Variants in ANGPTL3 observed in about 807,000 individuals in gnomAD.
The protein encoded by ANGPTL3 is angiopoietin like 3, also known as angiopoietin-related protein 3.
Under a neutral mutation model 52.7 loss-of-function variants are expected in ANGPTL3, and 51 were observed. That is an observed-to-expected ratio of 0.97 (90% CI 0.77 to 1.22). The LOEUF is 1.22. ANGPTL3 is among the 50% of genes most tolerant of loss of function. The pLI is 0.00. For missense variants in ANGPTL3, 506 were observed against 520.7 expected, an observed-to-expected ratio of 0.97 and a Z score of 0.27; for synonymous variants, 185 against 179.8, an observed-to-expected ratio of 1.03 and a Z score of -0.23.
chr1:62,604,439 A>C, intron 6 of ANGPTL3, 194 bp from the exon 7 acceptor site: 1 of 890,620 alleles, frequency 1.1e-6, no homozygotes, highest in Non-Finnish European at 1.7e-6. Flanking sequence ...CAGATTTTCT[A>C]TTTTTTGGTA....
In ANGPTL3 at chr1:62,601,183, T is replaced by C. The variant is rs190255403; in HGVS notation, c.708T>C (p.Asn236=). ...TTCTTCAGTTGAATGAAATAAGAAA[T>C]GTAAAACATGATGGTAAGACACTTT... ...TPFLQLNEIR[N]VKHDGIPAEC... Residue 236 remains asparagine, a synonymous_variant, in exon 3 of 7, where the codon AAT becomes AAC. Transcript: ENST00000371129. 14 of 1,602,574 alleles carry C rather than the reference T, an allele frequency of 8.7e-6. No homozygotes were observed. The South Asian group carries it at 1.1e-4, about 13-fold the overall frequency.
rs773477831 is a variant in ANGPTL3, at chr1:62,598,815, G to A, written c.606+9G>A. 2.7e-6 allele frequency: 4 copies of A among 1,485,876 alleles called. No individual in the cohort carries two copies. 92.0% of individuals were successfully genotyped at this position (1,485,876 alleles called of 1,614,324 possible). ...AAGAAATAGAAAATCAGGTAAGTCA[G>A]TATTTTAATGGTATGTCCCATCTTT... On this transcript the variant is annotated intron_variant, in intron 2 of 6. Coordinates refer to ENST00000371129, the MANE Select transcript of ANGPTL3 (RefSeq NM_014495.4).
intron 2 of ANGPTL3, among the ~76,000 whole-genome samples, chr1:62,599,062 G>T (rs1649724362): frequency 6.6e-6 from 1 of 151,848 alleles, no homozygotes; most frequent in Admixed American, 6.6e-5. Context: ...GATAATAACA[G>T]AACTTATAGG....
intron 4 of ANGPTL3, 71 bp downstream of exon 4, chr1:62,601,953 T>C: frequency 1.1e-6 from 1 of 898,514 alleles, no homozygotes; most frequent in South Asian, 1.3e-5. Context: ...AAGATTAACC[T>C]GGTTATCATT....
intron 1 of ANGPTL3, 94 bp downstream of exon 1, chr1:62,598,155 T>G: frequency 8.5e-7 from 1 of 1,181,256 alleles, no homozygotes; most frequent in South Asian, 2.1e-5. Flanking sequence ...AATACTTTGT[T>G]GCATTGTTGA....
At chr1:62,604,600 G>A (rs1333734558) in intron 6 of ANGPTL3, 33 bp from the exon 7 acceptor site, 9 of 1,596,022 alleles carry the variant, frequency 5.6e-6, no homozygotes, top group Non-Finnish European at 7.7e-6. Flanking sequence ...ATACGAGTCT[G>A]TACCCATTAA....
rs1650252605 is a variant in ANGPTL3, at chr1:62,602,291, C to T, written c.842C>T (p.Pro281Leu). ...HVYCDVISGS[P>L]WTLIQHRIDG... ...TTTCATTCATTATATTCAGGTAGTC[C>T]ATGGACATTAATTCAACATCGAATA... Residue 281 changes from proline to leucine, a missense_variant, in exon 5 of 7, where the codon CCA (proline) becomes CTA (leucine). Pro to Leu is a moderately conservative substitution (Grantham distance 98). Coordinates refer to ENST00000371129, the MANE Select transcript of ANGPTL3 (RefSeq NM_014495.4). The T allele has an allele frequency of 1.2e-6, 2 of 1,606,354 alleles. No individual in the cohort carries two copies. Among genetic ancestry groups the T allele is most frequent in the South Asian group, 2.2e-5 (2 of 90,864 alleles).
rs373869447 is a variant in ANGPTL3, at chr1:62,605,153, T to C, written c.*336T>C. 2 of 233,672 alleles carry C rather than the reference T, an allele frequency of 8.6e-6. No homozygotes were observed. The highest frequency in any genetic ancestry group is 1.1e-4 in the East Asian group (1 of 9,092). 14.5% of individuals were successfully genotyped at this position (233,672 alleles called of 1,614,324 possible). On this transcript the variant is annotated 3_prime_UTR_variant, in exon 7 of 7. Coordinates refer to ENST00000371129, the MANE Select transcript of ANGPTL3 (RefSeq NM_014495.4). Reference sequence around the variant, plus strand: ...TTAGAGACTTTTATTTTAAAAGGCATCATATGAGCTAATATCACAACTTTC... The same window carrying C: ...TTAGAGACTTTTATTTTAAAAGGCACCATATGAGCTAATATCACAACTTTC...
intron 5 of ANGPTL3, among the ~76,000 whole-genome samples, chr1:62,603,358 C>G (rs1018298680): frequency 6.6e-6 from 1 of 151,578 alleles, no homozygotes; most frequent in African/African-American, 2.4e-5. Context: ...TGATGAAGAA[C>G]AATCTATTTA....
chr1:62,598,353 AAGGT>A (rs1649605488), intron 1 of ANGPTL3, among the ~76,000 whole-genome samples: 1 of 152,048 alleles, frequency 6.6e-6, no homozygotes, highest in Non-Finnish European at 1.5e-5. Context: ...TAAATTACTG[AAGGT>A]AAGTAAAAAG....
Position 62,601,115 on chromosome 1 carries a change from AT to A in ANGPTL3, c.643del (p.Ser215LeufsTer17), listed in dbSNP as rs757686333. ...RRTSIQEPTE[I>X]SLSSKPRAPR... The stretch of plus-strand genomic sequence containing the variant: ...GACTAGTATTCAAGAACCCACAGAA[AT>A]TTCTCTATCTTCCAAGCCAAGAGCA... On this transcript the variant is annotated frameshift_variant, in exon 3 of 7. Transcript: ENST00000371129. LOFTEE classifies it high-confidence loss of function. 1.5e-5 allele frequency: 24 copies of A among 1,609,762 alleles called. No individual in the cohort carries two copies. Among genetic ancestry groups the A allele is most frequent in the Non-Finnish European group, 2.0e-5 (23 of 1,176,680 alleles).
rs1166232155 is a variant in ANGPTL3 at position 62,605,715 on chromosome 1, T to A, written c.*898T>A. The A allele has an allele frequency of 6.6e-6, 1 of 152,464 alleles. No homozygotes were observed. The highest frequency in any genetic ancestry group is 2.1e-4 in the South Asian group (1 of 4,834). 9.4% of individuals were successfully genotyped at this position (152,464 alleles called of 1,614,324 possible). A position where few individuals can be genotyped will look rare whatever the true frequency, so the allele number is the denominator to read the frequency against. ...AGAAATAAACCTCGTAACAAGTTACTGAACGTTTAAACAGCCTGACAAGCA... is the reference window on the plus strand; with the variant it reads ...AGAAATAAACCTCGTAACAAGTTACAGAACGTTTAAACAGCCTGACAAGCA... On this transcript the variant is annotated 3_prime_UTR_variant, in exon 7 of 7. Transcript: ENST00000371129.
At position 62,605,745 on chromosome 1, in the gene ANGPTL3, T is replaced by C. The variant is rs147953251; in HGVS notation, c.*928T>C. 20 of 152,526 alleles carry C rather than the reference T, an allele frequency of 1.3e-4. 1 individual carries two copies. Among genetic ancestry groups the C allele is most frequent in the Non-Finnish European group, 2.2e-4 (15 of 67,902 alleles). 9.4% of individuals were successfully genotyped at this position (152,526 alleles called of 1,614,324 possible). On this transcript the variant is annotated 3_prime_UTR_variant, in exon 7 of 7. Transcript: ENST00000371129. The stretch of plus-strand genomic sequence containing the variant: ...GTTTAAACAGCCTGACAAGCATGTA[T>C]ATATGTTTAAAATTCAATAAACAAA...
intron 2 of ANGPTL3, among the ~76,000 whole-genome samples, chr1:62,599,804 T>G (rs189274943): frequency 6.6e-6 from 1 of 152,134 alleles, no homozygotes; most frequent in East Asian, 1.9e-4. Flanking sequence ...TAATCTACAA[T>G]GTAAACATCT....
rs144125697 is a variant in ANGPTL3 at position 62,598,779 on chromosome 1, T to C, written c.579T>C (p.His193=). 120 of 1,605,648 alleles carry C rather than the reference T, an allele frequency of 7.5e-5. No individual in the cohort carries two copies. Among genetic ancestry groups the C allele is most frequent in the Non-Finnish European group, 9.0e-5 (105 of 1,173,014 alleles). ...EDQYKQLNQQ[H]SQIKEIENQL... ...AATATAAACAATTAAACCAACAGCA[T>C]AGTCAAATAAAAGAAATAGAAAATC... Residue 193 remains histidine, a synonymous_variant, in exon 2 of 7, where the codon CAT becomes CAC. Transcript: ENST00000371129.
Position 62,605,307 on chromosome 1 carries a change from G to A in ANGPTL3, c.*490G>A, listed in dbSNP as rs1650826603. The A allele has an allele frequency of 6.6e-6, 1 of 152,552 alleles. No individual in the cohort carries two copies. Among genetic ancestry groups the A allele is most frequent in the African/African-American group, 2.4e-5 (1 of 41,408 alleles). 9.4% of individuals were successfully genotyped at this position (152,552 alleles called of 1,614,324 possible). A position where few individuals can be genotyped will look rare whatever the true frequency, so the allele number is the denominator to read the frequency against. On this transcript the variant is annotated 3_prime_UTR_variant, in exon 7 of 7. Transcript: ENST00000371129. ...TAAAAATCGTCAGCACAGAGTATGT[G>A]TAAAAATCTGTAATACAAATTTTTA...
In ANGPTL3 at chr1:62,597,645, G is replaced by C. The variant is rs1649459413; in HGVS notation, c.79G>C (p.Asp27His). ...AATTGATCAAGACAATTCATCATTTGATTCTCTATCTCCAGAGCCAAAATC... is the reference window on the plus strand; with the variant it reads ...AATTGATCAAGACAATTCATCATTTCATTCTCTATCTCCAGAGCCAAAATC... The part of the protein sequence containing the change: ...SRIDQDNSSF[D>H]SLSPEPKSRF... Residue 27 changes from aspartate to histidine, a missense_variant, in exon 1 of 7, where the codon GAT becomes CAT. Transcript: ENST00000371129. The C allele has an allele frequency of 1.2e-6, 2 of 1,613,232 alleles. No homozygotes were observed. Among genetic ancestry groups the C allele is most frequent in the East Asian group, 4.5e-5 (2 of 44,826 alleles).
Position 62,598,056 on chromosome 1 carries a change from C to T in ANGPTL3, c.490C>T (p.Leu164Phe), listed in dbSNP as rs775976787. 10 of 1,580,210 alleles carry T rather than the reference C, an allele frequency of 6.3e-6. No individual in the cohort carries two copies. The East Asian group carries it at 1.4e-4, about 21-fold the overall frequency. The part of the protein sequence containing the change: ...ETPEHPEVTS[L>F]KTFVEKQDNS... ...TCCAGAACACCCAGAAGTAACTTCA[C>T]TTAAAGTAAGTAGAAAATAAAGAGG... Residue 164 changes from leucine to phenylalanine, a missense_variant, in exon 1 of 7, where the codon CTT (leucine) becomes TTT (phenylalanine). Physicochemically the swap from Leu to Phe is conservative, Grantham distance 22. Transcript: ENST00000371129.
In ANGPTL3 at chr1:62,601,762, A is replaced by G; in HGVS notation, c.722-7A>G. ...AATCTGATGTAATAACATTTTATTGATTCTAGGCATTCCTGCTGAATGTAC... is the reference window on the plus strand; with the variant it reads ...AATCTGATGTAATAACATTTTATTGGTTCTAGGCATTCCTGCTGAATGTAC... On this transcript the variant is annotated splice_polypyrimidine_tract_variant and splice_region_variant and intron_variant, in intron 3 of 6. Transcript: ENST00000371129. The G allele has an allele frequency of 1.3e-6, 2 of 1,574,336 alleles. No individual in the cohort carries two copies. The highest frequency in any genetic ancestry group is 4.5e-5 in the East Asian group (2 of 44,488).
Sources: gnomAD v4.1 joint callset for allele counts (sites outside exome capture counted in the v4.1 genomes callset) on GRCh38, gnomAD v4.1.1 for gene constraint, MANE v1.5 for transcripts, NCBI Gene and HGNC (gene_info 2026-07-23, HGNC 2026-07-21) for gene names.